KLF12: variants seen among roughly 807,000 people sequenced by gnomAD.
KLF12 encodes Krueppel-like factor 12.
A neutral mutation model predicts 37.8 loss-of-function variants in KLF12; 9 were observed. The observed-to-expected ratio is 0.24, with a 90% confidence interval of 0.14 to 0.42. KLF12 has a LOEUF of 0.42. Among genes scored for constraint, KLF12 ranks in the 10% least tolerant of loss-of-function variants. The probability of loss-of-function intolerance (pLI) is 1.00; values close to 1 mark genes in which losing one functional copy is unlikely to be tolerated. For missense variants in KLF12, 411 were observed against 516.0 expected, an observed-to-expected ratio of 0.80 and a Z score of 1.97; for synonymous variants, 208 against 202.1, an observed-to-expected ratio of 1.03 and a Z score of -0.25.
At chr13:74,052,959 C>T (rs1873018083) in intron 1 of KLF12, among the ~76,000 whole-genome samples, 1 of 152,112 alleles carries the variant, frequency 6.6e-6, no homozygotes. Context: ...CCCTGGCTAC[C>T]ATATGCTCTA....
intron 1 of KLF12, among the ~76,000 whole-genome samples, chr13:74,034,182 C>A (rs1893186334): frequency 6.6e-6 from 1 of 152,166 alleles, no homozygotes; most frequent in Non-Finnish European, 1.5e-5. Context: ...CCTGCCTCAG[C>A]CTCCCAAGTA....
intron 5 of KLF12, among the ~76,000 whole-genome samples, chr13:73,810,994 T>C (rs1221178755): frequency 2.3e-5 from 3 of 132,776 alleles, no homozygotes; most frequent in South Asian, 2.6e-4. Flanking sequence ...TTTTTTTTTT[T>C]TTTTTTTTTT....
chr13:74,018,809 A>G (rs2138411018), intron 1 of KLF12, among the ~76,000 whole-genome samples: 1 of 152,218 alleles, frequency 6.6e-6, no homozygotes, highest in East Asian at 1.9e-4. Flanking sequence ...TCGCAAATGT[A>G]GTTTTTACTG....
chr13:74,239,772 T>A, the KLF12 span, among the ~76,000 whole-genome samples: 5 of 151,832 alleles, frequency 3.3e-5, no homozygotes, highest in Non-Finnish European at 4.4e-5. Flanking sequence ...ACCCCTGCCT[T>A]TTTTTTTGCT....
intron 3 of KLF12, among the ~76,000 whole-genome samples, chr13:73,929,035 C>T (rs1889541976): frequency 6.6e-6 from 1 of 152,188 alleles, no homozygotes; most frequent in South Asian, 2.1e-4. Context: ...TAACTCACAC[C>T]ATTTTGTGAC....
chr13:73,975,705 A>G (rs887857323), intron 2 of KLF12, among the ~76,000 whole-genome samples: 1 of 152,152 alleles, frequency 6.6e-6, no homozygotes, highest in African/African-American at 2.4e-5. Context: ...TTCTCTGAGC[A>G]CTTTACTCTC....
At chr13:73,765,038 C>T (rs1256388092) in intron 5 of KLF12, 38 bp from the exon 6 acceptor site, 2 of 1,258,252 alleles carry the variant, frequency 1.6e-6, no homozygotes, top group African/African-American at 1.5e-5. Context: ...ATTGAAAAAG[C>T]ATATTCCCAA....
chr13:74,221,205 A>T, the KLF12 span, among the ~76,000 whole-genome samples: 20 of 152,030 alleles, frequency 1.3e-4, no homozygotes, highest in East Asian at 5.8e-4. Flanking sequence ...ACGGGGTTTC[A>T]CTGTGTTAGC....
chr13:73,928,260 T>C (rs1358090443), intron 3 of KLF12, among the ~76,000 whole-genome samples: 1 of 152,228 alleles, frequency 6.6e-6, no homozygotes, highest in Non-Finnish European at 1.5e-5. Flanking sequence ...ATGCAGGCAG[T>C]TAAACCCTTT....
At chr13:74,202,596 C>G in the KLF12 span, among the ~76,000 whole-genome samples, 1 of 152,144 alleles carries the variant, frequency 6.6e-6, no homozygotes, top group South Asian at 2.1e-4. Context: ...TCAGCACCTC[C>G]AAGGGCCAAC....
intron 1 of KLF12, among the ~76,000 whole-genome samples, chr13:74,003,400 T>C (rs1892330418): frequency 6.6e-6 from 1 of 152,188 alleles, no homozygotes; most frequent in African/African-American, 2.4e-5. Flanking sequence ...AGTTAACATA[T>C]TAGTCAGCCC....
At position 73,695,749 on chromosome 13, in the gene KLF12, G is replaced by A. The variant is rs879057138; in HGVS notation, c.1028-78C>T. ...TAACCAGGCCAGTACTCTATTTTGG[G>A]AAACTGGTGTTCTCAATGAATTTTC... On this transcript the variant is annotated intron_variant, in intron 7 of 7. Coordinates refer to ENST00000377669, the MANE Select transcript of KLF12 (RefSeq NM_007249.5). The A allele has an allele frequency of 3.8e-6, 5 of 1,322,790 alleles. No homozygotes were observed. In the South Asian group the frequency reaches 5.3e-5, roughly 14 times the overall value. 81.9% of individuals were successfully genotyped at this position (1,322,790 alleles called of 1,614,324 possible).
chr13:74,296,038 G>A, the KLF12 span, among the ~76,000 whole-genome samples: 1 of 151,522 alleles, frequency 6.6e-6, no homozygotes, highest in African/African-American at 2.4e-5. Context: ...GTCTAGGTCT[G>A]GAACTCCTGA....
At chr13:73,749,610 T>G (rs1008850035) in intron 6 of KLF12, among the ~76,000 whole-genome samples, 8 of 152,188 alleles carry the variant, frequency 5.3e-5, no homozygotes, top group African/African-American at 1.9e-4. Flanking sequence ...CATGAAGAAC[T>G]GCTAGGCAGA....
At chr13:74,073,050 T>C (rs1340397425) in intron 1 of KLF12, among the ~76,000 whole-genome samples, 1 of 152,184 alleles carries the variant, frequency 6.6e-6, no homozygotes, top group Non-Finnish European at 1.5e-5. Flanking sequence ...ATAAGGGCAG[T>C]TCCCCTGCAG....
upstream of KLF12, among the ~76,000 whole-genome samples, chr13:74,138,631 A>G (rs146656449): frequency 8.5e-5 from 13 of 152,286 alleles, no homozygotes; most frequent in East Asian, 9.6e-4. Context: ...TAGTTTAAAT[A>G]TCTTCATCAC....
At chr13:73,973,172 G>A (rs994526100) in intron 2 of KLF12, among the ~76,000 whole-genome samples, 22 of 152,170 alleles carry the variant, frequency 1.4e-4, no homozygotes, top group African/African-American at 5.3e-4. Flanking sequence ...AGATGCACCT[G>A]TGGGCACCAA....
intron 2 of KLF12, among the ~76,000 whole-genome samples, chr13:73,967,909 G>A (rs1251833842): frequency 6.6e-5 from 10 of 152,060 alleles, no homozygotes; most frequent in East Asian, 5.8e-4. Flanking sequence ...GAAGTGTATC[G>A]AGGCTCAGTG....
intron 6 of KLF12, among the ~76,000 whole-genome samples, chr13:73,746,878 A>C (rs1317253959): frequency 7.0e-6 from 1 of 143,706 alleles, no homozygotes; most frequent in Admixed American, 7.3e-5. Context: ...GCAATGGCAC[A>C]ATCTTGGCTC....
Sources: allele counts gnomAD v4.1 joint callset (sites outside exome capture counted in the v4.1 genomes callset), GRCh38; gene constraint gnomAD v4.1.1; transcripts MANE v1.5; gene names NCBI Gene and HGNC (gene_info 2026-07-23, HGNC 2026-07-21).